The following KIF4A variants were observed in gnomAD, a reference collection of about 807,000 sequenced individuals.
KIF4A encodes chromosome-associated kinesin KIF4A.
KIF4A carries 7 observed loss-of-function variants against 105.9 expected under a neutral mutation model. That is an observed-to-expected ratio of 0.07 (90% CI 0.04 to 0.12). The LOEUF (loss-of-function observed/expected upper bound fraction) is 0.12. Ranked by LOEUF, KIF4A falls within the 10% of genes least tolerant of loss-of-function variation. The pLI is 1.00. For synonymous variants in KIF4A, 281 were observed against 331.3 expected, an observed-to-expected ratio of 0.85 and a Z score of 1.65; for missense variants, 558 against 929.2, an observed-to-expected ratio of 0.60 and a Z score of 5.19.
At chrX:70,322,236 A>C (rs2085893251) in intron 7 of KIF4A, among the ~76,000 whole-genome samples, 1 of 109,995 alleles carries the variant, frequency 9.1e-6, no homozygotes, top group East Asian at 2.8e-4. Context: ...TGGATGTCCC[A>C]CATGTATCTC....
In KIF4A at chrX:70,341,915, T is replaced by G; in HGVS notation, c.1250T>G (p.Leu417Trp). 1 of 1,209,031 alleles carries G rather than the reference T, an allele frequency of 8.3e-7. No homozygotes were observed. The highest frequency in any genetic ancestry group is 1.1e-6 in the Non-Finnish European group (1 of 894,621). The change falls in exon 11 of 31, where the codon TTG becomes TGG. Residue 417 changes from leucine (L) to tryptophan (W), a missense_variant. Leu to Trp is a moderately conservative substitution (Grantham distance 61). Transcript: ENST00000374403. ...SEAAGQTAQMLERIILTEQAN... is the reference protein window; with the variant it reads ...SEAAGQTAQMWERIILTEQAN... ...GCAGCTGGTCAGACAGCCCAGATGTTGGAGAGGATCATTTTGGTAAGCCCC... is the reference window on the plus strand; with the variant it reads ...GCAGCTGGTCAGACAGCCCAGATGTGGGAGAGGATCATTTTGGTAAGCCCC...
intron 28 of KIF4A, among the ~76,000 whole-genome samples, chrX:70,408,822 A>G (rs1449149721): frequency 8.9e-6 from 1 of 112,262 alleles, no homozygotes; most frequent in African/African-American, 3.2e-5. Context: ...GAACCTCAGC[A>G]TATTCGTCTC....
chrX:70,298,837 A>C (rs2085793877), intron 4 of KIF4A, among the ~76,000 whole-genome samples: 2 of 112,352 alleles, frequency 1.8e-5, no homozygotes, highest in Non-Finnish European at 1.9e-5. Context: ...TGGTCATGTA[A>C]CTTTTCATGT....
intron 18 of KIF4A, among the ~76,000 whole-genome samples, chrX:70,384,729 A>C (rs755006173): frequency 9.0e-6 from 1 of 111,588 alleles, no homozygotes; most frequent in Admixed American, 9.6e-5. Context: ...GTCTCAAAAA[A>C]AGATTTGTCT....
intron 8 of KIF4A, among the ~76,000 whole-genome samples, chrX:70,329,941 C>G (rs1008115684): frequency 1.7e-4 from 19 of 111,458 alleles, no homozygotes; most frequent in African/African-American, 6.2e-4. Context: ...ATCACAATCC[C>G]TTTTGAGAAA....
chrX:70,290,347 C>T, intron 1 of KIF4A, 91 bp from the exon 2 acceptor site: 3 of 1,059,437 alleles, frequency 2.8e-6, no homozygotes, highest in Non-Finnish European at 3.8e-6. Flanking sequence ...TCAGTGTTCC[C>T]GCTGAGGAGG....
chrX:70,302,143 G>A, intron 6 of KIF4A, 77 bp downstream of exon 6: 1 of 1,122,755 alleles, frequency 8.9e-7, no homozygotes, highest in South Asian at 2.0e-5. Flanking sequence ...TTCTTCAATT[G>A]ATTTGACAAA....
At chrX:70,396,351 C>T (rs368300397) in intron 22 of KIF4A, 1 of 160,811 alleles carries the variant, frequency 6.2e-6, no homozygotes. Flanking sequence ...ACAACCCCCT[C>T]GCTGCTAAAT....
At chrX:70,414,084 A>G (rs2086333648) in intron 28 of KIF4A, among the ~76,000 whole-genome samples, 2 of 111,521 alleles carry the variant, frequency 1.8e-5, no homozygotes, top group Non-Finnish European at 1.9e-5. Context: ...CTATACAAGG[A>G]TATCTACTGC....
chrX:70,406,187 G>A, intron 26 of KIF4A, 72 bp from the exon 27 acceptor site: 3 of 861,701 alleles, frequency 3.5e-6, no homozygotes, highest in Admixed American at 2.3e-5. Flanking sequence ...CCTAGGTCTG[G>A]TATCTGTTTT....
Position 70,341,852 on chromosome X carries a change from T to C in KIF4A, c.1187T>C (p.Val396Ala), listed in dbSNP as rs760556502. 2.5e-6 allele frequency: 3 copies of C among 1,209,906 alleles called. No homozygotes were observed. In the Admixed American group the frequency reaches 6.6e-5, roughly 26 times the overall value. The stretch of plus-strand genomic sequence containing the variant: ...CTGATGGAGAAGAATCAGTCCCTGG[T>C]AGAGGAGAATGAAAAATTAAGTCGT... ...QSLMEKNQSL[V>A]EENEKLSRGL... Residue 396 changes from valine to alanine, a missense_variant, in exon 11 of 31, where the codon GTA becomes GCA. This residue lies in a region of KIF4A where 469 missense variants were observed against 680.4 expected (regional missense o/e 0.69). Transcript: ENST00000374403.
rs770083392 is a variant in KIF4A at position 70,302,404 on chromosome X, A to G, written c.778+6A>G. ...AGGGGATCGTCTAAAAGAGGGTAAGAGAGTAATTAAGGTCACAGTTGTAGA... is the reference window on the plus strand; with the variant it reads ...AGGGGATCGTCTAAAAGAGGGTAAGGGAGTAATTAAGGTCACAGTTGTAGA... On this transcript the variant is annotated splice_donor_region_variant and intron_variant, in intron 7 of 30. Transcript: ENST00000374403. 472 of 1,202,370 alleles carry G rather than the reference A, an allele frequency of 3.9e-4. 1 individual carries two copies. Among genetic ancestry groups the G allele is most frequent in the Non-Finnish European group, 2.6e-5 (23 of 889,034 alleles).
At chrX:70,367,512 C>T (rs1262682895) in intron 15 of KIF4A, among the ~76,000 whole-genome samples, 2 of 111,550 alleles carry the variant, frequency 1.8e-5, no homozygotes, top group African/African-American at 6.5e-5. Flanking sequence ...ACTTATGAAG[C>T]TTAGTTTGAC....
rs745826373 is a variant in KIF4A at position 70,333,768 on chromosome X, G to C, written c.1133+79G>C. 4.8e-4 allele frequency: 336 copies of C among 706,947 alleles called. 2 individuals carry two copies. In the African/African-American group the frequency reaches 6.1e-3, roughly 13 times the overall value. 58.3% of individuals were successfully genotyped at this position (706,947 alleles called of 1,213,427 possible). ...TAATAATAGTTTTTCCCTGGTTTCT[G>C]CTAGCACTTGGTGTCACGGTAAGGA... is the stretch of plus-strand genomic sequence containing the variant. On this transcript the variant is annotated intron_variant, in intron 10 of 30. Transcript: ENST00000374403.
At chrX:70,344,017 C>A in intron 13 of KIF4A, 35 bp downstream of exon 13, 1 of 1,004,016 alleles carries the variant, frequency 1.0e-6, no homozygotes. Flanking sequence ...ATAGGCATAT[C>A]ACTTTCATTT....
chrX:70,399,403 T>C lies in KIF4A; in HGVS notation c.2490-3163T>C, dbSNP rs141485221. Among the ~76,000 whole-genome samples, 512 of 111,671 alleles carry C rather than the reference T, an allele frequency of 4.6e-3. 5 individuals carry two copies. The highest frequency in any genetic ancestry group is 0.016 in the African/African-American group (487 of 30,767). On this transcript the variant is annotated intron_variant, in intron 22 of 30. Transcript: ENST00000374403. Reference sequence around the variant, plus strand: ...CAAAATGTGAGCTTTCAAGCAAAATTTGGATTTGGAAAACTTGTATCTGCC... The same window carrying C: ...CAAAATGTGAGCTTTCAAGCAAAATCTGGATTTGGAAAACTTGTATCTGCC...
In KIF4A at chrX:70,417,916, A is replaced by T. The variant is rs1253753642; in HGVS notation, c.3284A>T (p.Lys1095Met). Residue 1095 changes from lysine (K) to methionine (M), a missense_variant, in exon 29 of 31, where the codon AAG becomes ATG. By Grantham distance (95) the Lys-to-Met change is moderately conservative (BLOSUM62 -1). Around this residue, in one of 2 missense-constraint regions of KIF4A, gnomAD observed 469 missense variants for 680.4 expected, o/e 0.69. Coordinates refer to ENST00000374403, the MANE Select transcript of KIF4A (RefSeq NM_012310.5). ...GCSCKGWCGN[K>M]QCGCRKQKSD... The stretch of plus-strand genomic sequence containing the variant: ...TCCTGCAAGGGCTGGTGTGGAAACA[A>T]GCAGTGTGGGTGCAGGAAGCAAAAG... 2 of 1,211,220 alleles carry T rather than the reference A, an allele frequency of 1.7e-6. No individual in the cohort carries two copies. The highest frequency in any genetic ancestry group is 2.2e-6 in the Non-Finnish European group (2 of 895,106).
chrX:70,370,386 AT>A, intron 15 of KIF4A, among the ~76,000 whole-genome samples: 1 of 107,516 alleles, frequency 9.3e-6, no homozygotes, highest in East Asian at 2.8e-4. Flanking sequence ...AGTATTATCT[AT>A]TTTTTTATAT....
chrX:70,326,561 A>C (rs924066399), intron 7 of KIF4A, among the ~76,000 whole-genome samples: 1 of 112,407 alleles, frequency 8.9e-6, no homozygotes, highest in African/African-American at 3.2e-5. Flanking sequence ...TTTAAAGTTA[A>C]AATCTCTCCT....
Sources: gnomAD v4.1 joint callset for allele counts (sites outside exome capture counted in the v4.1 genomes callset) on GRCh38, gnomAD v4.1.1 for gene constraint, gnomAD v4.1.1 regional missense constraint, MANE v1.5 for transcripts, NCBI Gene and HGNC (gene_info 2026-07-23, HGNC 2026-07-21) for gene names.